The following NRP2 variants were observed in gnomAD, a reference collection of about 807,000 sequenced individuals.
NRP2 encodes neuropilin 2, also known as neuropilin-2.
Under a neutral mutation model 110.4 loss-of-function variants are expected in NRP2, and 52 were observed. The ratio of observed to expected loss-of-function variants is 0.47; its 90% CI spans 0.38 to 0.59. The LOEUF (loss-of-function observed/expected upper bound fraction) is 0.59, where lower values mean the gene tolerates loss of function less well. Ranked by LOEUF, NRP2 falls within the 20% of genes least tolerant of loss-of-function variation. The pLI, the probability that NRP2 is intolerant of heterozygous loss-of-function variation, is 0.00. For missense variants in NRP2, 1,049 were observed against 1,203.0 expected (o/e 0.87, Z 1.89); for synonymous variants, 508 against 468.9 (o/e 1.08, Z -1.08).
chr2:205,772,041 T>C (rs1230851986), intron 15 of NRP2, among the ~76,000 whole-genome samples: 1 of 152,240 alleles, frequency 6.6e-6, no homozygotes, highest in Non-Finnish European at 1.5e-5. Context: ...GCTAGCAGTG[T>C]ACAGTTCCTC....
At chr2:205,758,783 C>T (rs2057774376) in intron 12 of NRP2, among the ~76,000 whole-genome samples, 1 of 152,112 alleles carries the variant, frequency 6.6e-6, no homozygotes, top group Non-Finnish European at 1.5e-5. Context: ...TGGAAGCTGT[C>T]CATTGCCGGC....
intron 7 of NRP2, among the ~76,000 whole-genome samples, chr2:205,730,523 T>C (rs546481136): frequency 5.7e-4 from 87 of 152,098 alleles, no homozygotes; most frequent in African/African-American, 2.1e-3. Flanking sequence ...ACAACAGGAG[T>C]TAGCAGAAAA....
At chr2:205,765,641 C>T (rs2057903255) in intron 14 of NRP2, 71 bp downstream of exon 14, 1 of 1,313,260 alleles carries the variant, frequency 7.6e-7, no homozygotes. Context: ...CAAGAGGAGG[C>T]AGGACACCAT....
intron 12 of NRP2, 47 bp downstream of exon 12, chr2:205,753,022 T>C (rs2057675347): frequency 1.2e-6 from 2 of 1,609,488 alleles, no homozygotes; most frequent in Non-Finnish European, 1.7e-6. Flanking sequence ...GGCCAGCTTG[T>C]TCCACATACT....
intron 13 of NRP2, among the ~76,000 whole-genome samples, chr2:205,764,953 G>A (rs1422427685): frequency 6.6e-6 from 1 of 152,142 alleles, no homozygotes; most frequent in African/African-American, 2.4e-5. Flanking sequence ...CTCAGTAAAT[G>A]GCTGGTGAAA....
chr2:205,734,407 C>CG (rs2057304263), intron 7 of NRP2, among the ~76,000 whole-genome samples: 1 of 145,376 alleles, frequency 6.9e-6, no homozygotes, highest in Non-Finnish European at 1.5e-5. Flanking sequence ...CCGCCCCCCC[C>CG]CACCCCGCAT....
At chr2:205,719,452 A>T (rs570716588) in intron 3 of NRP2, among the ~76,000 whole-genome samples, 1 of 151,940 alleles carries the variant, frequency 6.6e-6, no homozygotes, top group Admixed American at 6.5e-5. Context: ...TCAAATCAAG[A>T]TACCATGAGC....
At position 205,797,210 on chromosome 2, in the gene NRP2, G is replaced by A. The variant is rs1263958077; in HGVS notation, c.*2152G>A. ...TGAAAAGTAGAGCTGTCAAGCCCAAGGGCTTAGCTTTAGGGCTCCTCCTGA... is the reference window on the plus strand; with the variant it reads ...TGAAAAGTAGAGCTGTCAAGCCCAAAGGCTTAGCTTTAGGGCTCCTCCTGA... On this transcript the variant is annotated 3_prime_UTR_variant, in exon 17 of 17. Coordinates refer to ENST00000357785, the MANE Select transcript of NRP2 (RefSeq NM_003872.3). 1 of 152,648 alleles carries A rather than the reference G, an allele frequency of 6.6e-6. No individual in the cohort carries two copies. Among genetic ancestry groups the A allele is most frequent in the South Asian group, 2.1e-4 (1 of 4,826 alleles). 9.5% of individuals were successfully genotyped at this position (152,648 alleles called of 1,614,324 possible).
At position 205,795,104 on chromosome 2, in the gene NRP2, G is replaced by T. The variant is rs948585603; in HGVS notation, c.*46G>T. The stretch of plus-strand genomic sequence containing the variant: ...TCTGACGTTTCATTCCAGCAAGAGG[G>T]GCTGGGGAAGATTACATTTTTTTTT... On this transcript the variant is annotated 3_prime_UTR_variant, in exon 17 of 17. Coordinates refer to ENST00000357785, the MANE Select transcript of NRP2 (RefSeq NM_003872.3). The T allele has an allele frequency of 1.9e-6, 3 of 1,551,928 alleles. No homozygotes were observed. In the African/African-American group the frequency reaches 4.1e-5, roughly 21 times the overall value.
chr2:205,747,575 G>A (rs2057560763), intron 10 of NRP2, among the ~76,000 whole-genome samples: 1 of 152,162 alleles, frequency 6.6e-6, no homozygotes, highest in Non-Finnish European at 1.5e-5. Context: ...TTAAAAGCTG[G>A]TCATGACCTA....
rs759959447 is a variant in NRP2, at chr2:205,740,537, G to A, written c.1165G>A (p.Asp389Asn). ...GCTACAGGTATTTCAAGCCAACAACGATGCAACTGAGGTGGTTCTGAACAA... is the reference window on the plus strand; with the variant it reads ...GCTACAGGTATTTCAAGCCAACAACAATGCAACTGAGGTGGTTCTGAACAA... ...KNHKVFQANN[D>N]ATEVVLNKLH... Residue 389 changes from aspartate to asparagine, a missense_variant, in exon 8 of 17, where the codon GAT becomes AAT. Transcript: ENST00000357785. 2.3e-5 allele frequency: 37 copies of A among 1,614,084 alleles called. 1 individual carries two copies. In the South Asian group the frequency reaches 3.4e-4, roughly 15 times the overall value.
intron 15 of NRP2, chr2:205,777,068 C>A (rs2058111968): frequency 1.0e-6 from 1 of 996,066 alleles, no homozygotes; most frequent in African/African-American, 1.7e-5. Context: ...TATGTTACTT[C>A]TCCTGGGGTA....
chr2:205,687,126 T>C (rs773256112), intron 1 of NRP2, among the ~76,000 whole-genome samples: 3 of 152,138 alleles, frequency 2.0e-5, no homozygotes, highest in Non-Finnish European at 2.9e-5. Context: ...TTAACGCCAT[T>C]GCCATGGACA....
At chr2:205,778,230 T>C (rs1472450347) in intron 15 of NRP2, 1 of 152,072 alleles carries the variant, frequency 6.6e-6, no homozygotes, top group Admixed American at 6.5e-5. Flanking sequence ...ATTTTTTTTT[T>C]TTTTTTGGCT....
At chr2:205,709,702 C>T (rs1355507366) in intron 2 of NRP2, among the ~76,000 whole-genome samples, 1 of 152,174 alleles carries the variant, frequency 6.6e-6, no homozygotes, top group Non-Finnish European at 1.5e-5. Flanking sequence ...TGTGCCTACT[C>T]ACAAACACAA....
intron 12 of NRP2, among the ~76,000 whole-genome samples, chr2:205,754,234 A>G (rs2057697569): frequency 3.9e-5 from 6 of 152,156 alleles, no homozygotes; most frequent in Admixed American, 3.9e-4. Context: ...GCTAGAAAAT[A>G]AAAGAGGGAA....
intron 15 of NRP2, chr2:205,776,033 T>C: frequency 1.4e-6 from 1 of 710,518 alleles, no homozygotes; most frequent in East Asian, 2.6e-5. Context: ...AAAATGGGTC[T>C]GACAATAGCT....
intron 2 of NRP2, among the ~76,000 whole-genome samples, chr2:205,698,460 G>C (rs77910171): frequency 0.017 from 2,574 of 152,264 alleles, 52 homozygotes; most frequent in East Asian, 0.054. Flanking sequence ...AGTCACCCAA[G>C]GTGACTCAGC....
intron 15 of NRP2, chr2:205,767,718 A>G (rs1278450036): frequency 9.7e-6 from 2 of 206,638 alleles, no homozygotes; most frequent in Non-Finnish European, 2.0e-5. Flanking sequence ...TCTAATGCCA[A>G]ACATTTAGGA....
Sources: allele counts gnomAD v4.1 joint callset (sites outside exome capture counted in the v4.1 genomes callset), GRCh38; gene constraint gnomAD v4.1.1; transcripts MANE v1.5; gene names NCBI Gene and HGNC (gene_info 2026-07-23, HGNC 2026-07-21).